Variants in DPYS observed in about 807,000 individuals in gnomAD.
The protein encoded by DPYS is dihydropyrimidine amidohydrolase.
Under a neutral mutation model 50.3 loss-of-function variants are expected in DPYS, and 39 were observed. The observed-to-expected ratio is 0.78, with a 90% CI of 0.60 to 1.01. DPYS has a LOEUF of 1.01. Among genes scored for constraint, DPYS ranks in the 50% least tolerant of loss-of-function variants. The pLI, the probability that DPYS is intolerant of heterozygous loss-of-function variation, is 0.00. For missense variants in DPYS, 659 were observed against 680.9 expected (o/e 0.97, Z 0.36); for synonymous variants, 245 against 250.7 (o/e 0.98, Z 0.22).
chr8:104,419,517 G>A (rs1812478858), intron 7 of DPYS: 1 of 152,262 alleles, frequency 6.6e-6, no homozygotes, highest in African/African-American at 2.4e-5. Flanking sequence ...ACAGCTGTAT[G>A]GTGGAGAAAC....
rs577365186 is a variant in DPYS at position 104,396,111 on chromosome 8, T to C, written c.1236-3120A>G. ...CAAAGAAAATAAAGCTAGGAAACAATAGAGAGGGGCTTCAAACCTTTAGGG... is the reference window on the plus strand; with the variant it reads ...CAAAGAAAATAAAGCTAGGAAACAACAGAGAGGGGCTTCAAACCTTTAGGG... On this transcript the variant is annotated intron_variant, in intron 7 of 9. Coordinates refer to ENST00000351513, the MANE Select transcript of DPYS (RefSeq NM_001385.3). Among the ~76,000 whole-genome samples, 8 of 152,232 alleles carry C rather than the reference T, an allele frequency of 5.3e-5. No individual in the cohort carries two copies. In the South Asian group the frequency reaches 1.0e-3, roughly 20 times the overall value.
At chr8:104,435,254 G>A (rs1230573078) in intron 4 of DPYS, among the ~76,000 whole-genome samples, 1 of 152,156 alleles carries the variant, frequency 6.6e-6, no homozygotes, top group Non-Finnish European at 1.5e-5. Flanking sequence ...GTGGGTGATA[G>A]AAGTCAGGGG....
intron 7 of DPYS, among the ~76,000 whole-genome samples, chr8:104,395,473 C>T (rs773311437): frequency 3.9e-5 from 6 of 152,194 alleles, no homozygotes; most frequent in Non-Finnish European, 5.9e-5. Context: ...CACGCCCTCC[C>T]CCAATCCCTA....
At chr8:104,463,007 G>C (rs1313840577) in intron 1 of DPYS, among the ~76,000 whole-genome samples, 2 of 152,148 alleles carry the variant, frequency 1.3e-5, no homozygotes, top group Admixed American at 1.3e-4. Flanking sequence ...TTTAGTTAAT[G>C]TATATTCATT....
At chr8:104,462,041 CT>C (rs545957812) in intron 1 of DPYS, among the ~76,000 whole-genome samples, 3 of 152,166 alleles carry the variant, frequency 2.0e-5, no homozygotes, top group African/African-American at 7.2e-5. Flanking sequence ...CTGTATTTTT[CT>C]TTTTTGAAAA....
At chr8:104,408,904 C>T (rs1169712653) in intron 7 of DPYS, among the ~76,000 whole-genome samples, 2 of 151,454 alleles carry the variant, frequency 1.3e-5, no homozygotes, top group Non-Finnish European at 2.9e-5. Flanking sequence ...ACCTCTGCCT[C>T]CCAGGTTTAA....
At chr8:104,457,635 C>A (rs1017482280) in intron 1 of DPYS, among the ~76,000 whole-genome samples, 2 of 152,150 alleles carry the variant, frequency 1.3e-5, no homozygotes, top group East Asian at 3.8e-4. Context: ...AGAAACCCAA[C>A]GGTATGTTTG....
intron 1 of DPYS, among the ~76,000 whole-genome samples, chr8:104,462,394 C>T (rs1337029817): frequency 6.6e-6 from 1 of 152,162 alleles, no homozygotes; most frequent in Non-Finnish European, 1.5e-5. Context: ...GTGTGGTGTG[C>T]TTAATCACAC....
chr8:104,409,668 A>C (rs1383947267), intron 7 of DPYS, among the ~76,000 whole-genome samples: 5 of 152,080 alleles, frequency 3.3e-5, no homozygotes, highest in African/African-American at 9.7e-5. Flanking sequence ...TCTCCCTACT[A>C]CTGTATAACT....
intron 2 of DPYS, 114 bp from the exon 3 acceptor site, chr8:104,447,617 G>A: frequency 7.9e-7 from 1 of 1,270,814 alleles, no homozygotes; most frequent in Non-Finnish European, 1.1e-6. Flanking sequence ...AGGAAAATAA[G>A]GACAATAGTT....
chr8:104,427,576 G>T, intron 6 of DPYS, among the ~76,000 whole-genome samples: 1 of 151,898 alleles, frequency 6.6e-6, no homozygotes, highest in African/African-American at 2.4e-5. Context: ...ACTGCACCCT[G>T]CCCCTTCGTG....
chr8:104,396,600 T>C (rs2246650), intron 7 of DPYS, among the ~76,000 whole-genome samples: 102,168 of 151,928 alleles, frequency 0.67, 35,924 homozygotes, highest in Middle Eastern at 0.82. Context: ...ATGGAAAAAC[T>C]GGTGATAGAG....
intron 1 of DPYS, among the ~76,000 whole-genome samples, chr8:104,463,008 T>TTG (rs1814224650): frequency 6.6e-6 from 1 of 152,232 alleles, no homozygotes; most frequent in South Asian, 2.1e-4. Context: ...TTAGTTAATG[T>TTG]ATATTCATTT....
chr8:104,457,301 G>T (rs1813959419), intron 1 of DPYS, among the ~76,000 whole-genome samples: 1 of 152,166 alleles, frequency 6.6e-6, no homozygotes, highest in Non-Finnish European at 1.5e-5. Context: ...TGAATGTGCT[G>T]GACATAGGGA....
chr8:104,424,106 G>C, intron 7 of DPYS, 141 bp downstream of exon 7: 1 of 1,556,392 alleles, frequency 6.4e-7, no homozygotes, highest in Non-Finnish European at 8.7e-7. Context: ...CCTTTATCTT[G>C]TGTACAGGAT....
chr8:104,380,016 T>C (rs546920385), intron 9 of DPYS, among the ~76,000 whole-genome samples, 173 bp from the exon 10 acceptor site: 2 of 152,312 alleles, frequency 1.3e-5, no homozygotes, highest in South Asian at 4.1e-4. Context: ...CTTGCTAATC[T>C]TTCCCTGAAT....
At position 104,433,537 on chromosome 8, in the gene DPYS, G is replaced by A. The variant is rs1025495608; in HGVS notation, c.794-3836C>T. Among the ~76,000 whole-genome samples, 3 of 152,206 alleles carry A rather than the reference G, an allele frequency of 2.0e-5. 1 individual carries two copies. Among genetic ancestry groups the A allele is most frequent in the Non-Finnish European group, 4.4e-5 (3 of 68,026 alleles). The stretch of plus-strand genomic sequence containing the variant: ...TAGTCCCAGCTACTTGGGAGGCTGA[G>A]GCATGAGAATCACTTGAACCCAAAA... On this transcript the variant is annotated intron_variant, in intron 4 of 9. Transcript: ENST00000351513.
In DPYS at chr8:104,381,208, G is replaced by T. The variant is rs774908423; in HGVS notation, c.1550C>A (p.Ala517Asp). The change falls in exon 9 of 10, where the codon GCC (alanine) becomes GAC (aspartate). Residue 517 changes from alanine to aspartate, a missense_variant. Transcript: ENST00000351513. Reference protein sequence around the residue: ...EDATAGTRKQAHP With the variant: ...EDATAGTRKQDHP ...CCGATGGCACACACTTCAGGGGTGG[G>T]CCTGTTTCCTGGTCCCTGCTGTGGC... 1 of 1,613,982 alleles carries T rather than the reference G, an allele frequency of 6.2e-7. No homozygotes were observed. Among genetic ancestry groups the T allele is most frequent in the Non-Finnish European group, 8.5e-7 (1 of 1,179,958 alleles).
chr8:104,415,122 A>G (rs1288031508), intron 7 of DPYS, among the ~76,000 whole-genome samples: 1 of 152,252 alleles, frequency 6.6e-6, no homozygotes. Flanking sequence ...ACAAATGACT[A>G]TTGAGCTTCT....
Sources: gnomAD v4.1 joint callset for allele counts (sites outside exome capture counted in the v4.1 genomes callset) on GRCh38, gnomAD v4.1.1 for gene constraint, MANE v1.5 for transcripts, NCBI Gene and HGNC (gene_info 2026-07-23, HGNC 2026-07-21) for gene names.